MICAL2: variants seen among roughly 807,000 people sequenced by gnomAD.
MICAL2 encodes the protein [F-actin]-monooxygenase MICAL2.
In MICAL2, 77 loss-of-function variants were observed where a neutral mutation model predicts 127.3. The ratio of observed to expected loss-of-function variants is 0.60; its 90% CI spans 0.50 to 0.73. The LOEUF (loss-of-function observed/expected upper bound fraction) is 0.73, where lower values mean the gene tolerates loss of function less well. Among genes scored for constraint, MICAL2 ranks in the 30% least tolerant of loss-of-function variants. MICAL2 has a pLI of 0.00. For synonymous variants in MICAL2, 570 were observed against 551.1 expected (o/e 1.03, Z -0.48); for missense variants, 1,351 against 1,434.4 (o/e 0.94, Z 0.94).
At chr11:12,318,975 C>G (rs1864261388) in intron 29 of MICAL2, among the ~76,000 whole-genome samples, 1 of 152,324 alleles carries the variant, frequency 6.6e-6, no homozygotes, top group Middle Eastern at 3.4e-3. Flanking sequence ...CTATCTTAAA[C>G]TGCCTTTCCT....
chr11:12,153,830 TCA>T (rs1853862635), intron 2 of MICAL2, among the ~76,000 whole-genome samples: 2 of 152,212 alleles, frequency 1.3e-5, no homozygotes, highest in South Asian at 4.1e-4. Context: ...GATTCAGAGT[TCA>T]CAGTTTTCCT....
At chr11:12,337,051 T>A (rs1938776634) in intron 32 of MICAL2, among the ~76,000 whole-genome samples, 1 of 152,250 alleles carries the variant, frequency 6.6e-6, no homozygotes, top group Non-Finnish European at 1.5e-5. Context: ...CTTGTACCTC[T>A]GGTAGAATTC....
At chr11:12,284,100 C>T (rs1020603692) in intron 2 of MICAL2, among the ~76,000 whole-genome samples, 1 of 152,148 alleles carries the variant, frequency 6.6e-6, no homozygotes, top group Non-Finnish European at 1.5e-5. Context: ...ATTGTGAAAT[C>T]CACACCCAAG....
intron 1 of MICAL2, among the ~76,000 whole-genome samples, chr11:12,131,013 G>GTAATGGCTCAGGCTGC (rs1296273228): frequency 1.8e-4 from 6 of 32,484 alleles, no homozygotes; most frequent in East Asian, 2.3e-3. Context: ...TCCCAGTAGG[G>GTAATGGCTCAGGCTGC]CCGGGCGCGG....
chr11:12,142,667 A>G (rs1474952039), intron 2 of MICAL2, among the ~76,000 whole-genome samples: 1 of 152,226 alleles, frequency 6.6e-6, no homozygotes, highest in Non-Finnish European at 1.5e-5. Context: ...CATCTGGAGC[A>G]CTTTGCATTG....
At chr11:12,292,336 C>A (rs1389356748), downstream of MICAL2, 20 of 1,607,756 alleles carry the variant, frequency 1.2e-5, 1 homozygote, top group East Asian at 4.5e-4. Flanking sequence ...TGTCAGGAAG[C>A]TAACCTACCT....
At chr11:12,292,141 A>G, downstream of MICAL2, 5 of 1,613,034 alleles carry the variant, frequency 3.1e-6, no homozygotes, top group Non-Finnish European at 4.2e-6. Flanking sequence ...TTTCCTTGGT[A>G]GGTTTGACGC....
chr11:12,345,069 G>A (rs896169082), intron 32 of MICAL2, among the ~76,000 whole-genome samples: 5 of 149,964 alleles, frequency 3.3e-5, no homozygotes, highest in African/African-American at 5.0e-5. Flanking sequence ...CCGAGATTGC[G>A]CCACTGCACT....
intron 5 of MICAL2, among the ~76,000 whole-genome samples, chr11:12,209,126 G>A (rs962989955): frequency 1.3e-5 from 2 of 152,180 alleles, no homozygotes; most frequent in Admixed American, 1.3e-4. Context: ...TTTTGGGTCT[G>A]TTTAGCAATG....
chr11:12,124,481 G>A (rs768626525), intron 1 of MICAL2, among the ~76,000 whole-genome samples: 11 of 152,108 alleles, frequency 7.2e-5, no homozygotes, highest in Admixed American at 1.3e-4. Context: ...TTAACGTTAC[G>A]TGTTCTCAGC....
In MICAL2 at chr11:12,239,427, C is replaced by A. The variant is rs768551353; in HGVS notation, c.2065-9C>A. On this transcript the variant is annotated splice_polypyrimidine_tract_variant and intron_variant, in intron 16 of 27. Coordinates refer to ENST00000683283, the MANE Select transcript of MICAL2 (RefSeq NM_001282663.2). Reference sequence around the variant, plus strand: ...TCCAACCATCAGTGTCCCGTTTCAACCTTTGCAGCCTTCAAACTTTTCCAG... The same window carrying A: ...TCCAACCATCAGTGTCCCGTTTCAAACTTTGCAGCCTTCAAACTTTTCCAG... 1.2e-5 allele frequency: 20 copies of A among 1,613,844 alleles called. No individual in the cohort carries two copies. Among genetic ancestry groups the A allele is most frequent in the East Asian group, 2.2e-5 (1 of 44,898 alleles).
chr11:12,320,988 T>C (rs1864288188), intron 30 of MICAL2, among the ~76,000 whole-genome samples: 1 of 152,188 alleles, frequency 6.6e-6, no homozygotes, highest in Admixed American at 6.5e-5. Flanking sequence ...TCTCATCCCC[T>C]TGAATGACCC....
At chr11:12,115,028 T>A (rs1285871239) in intron 1 of MICAL2, among the ~76,000 whole-genome samples, 1 of 152,188 alleles carries the variant, frequency 6.6e-6, no homozygotes, top group East Asian at 1.9e-4. Context: ...CATCTTTTCT[T>A]CTTCCTTCTG....
downstream of MICAL2, chr11:12,292,111 T>A: frequency 1.3e-6 from 2 of 1,599,728 alleles, no homozygotes; most frequent in East Asian, 2.2e-5. Flanking sequence ...AATAACACCT[T>A]TGTAATGAAG....
intron 33 of MICAL2, among the ~76,000 whole-genome samples, chr11:12,350,209 C>A (rs191323453): frequency 2.0e-4 from 31 of 152,328 alleles, no homozygotes; most frequent in African/African-American, 7.2e-4. Context: ...AAGGCATTTT[C>A]AATCCATCCC....
At chr11:12,358,194 TA>T in intron 34 of MICAL2, 1 of 1,172,114 alleles carries the variant, frequency 8.5e-7, no homozygotes, top group South Asian at 1.5e-5. Context: ...CCATTAAAAT[TA>T]AAGGCAGAAC....
chr11:12,111,750 C>G (rs942567575), intron 1 of MICAL2, among the ~76,000 whole-genome samples: 1 of 152,230 alleles, frequency 6.6e-6, no homozygotes, highest in Non-Finnish European at 1.5e-5. Context: ...CAGCCAGGCC[C>G]CTTGTGGGCT....
intron 29 of MICAL2, chr11:12,319,630 C>T: frequency 8.6e-7 from 1 of 1,165,656 alleles, no homozygotes. Context: ...GAGGAAGCAG[C>T]AGCTTTGGTT....
At chr11:12,345,153 T>A in intron 32 of MICAL2, among the ~76,000 whole-genome samples, 1 of 150,616 alleles carries the variant, frequency 6.6e-6, no homozygotes, top group African/African-American at 2.5e-5. Context: ...GAAAGAAAGA[T>A]TGTGAGTATT....
Sources: gnomAD v4.1 joint callset for allele counts (sites outside exome capture counted in the v4.1 genomes callset) on GRCh38, gnomAD v4.1.1 for gene constraint, MANE v1.5 for transcripts, NCBI Gene and HGNC (gene_info 2026-07-23, HGNC 2026-07-21) for gene names.